The following HP1BP3 variants were observed in gnomAD, a reference collection of about 807,000 sequenced individuals.
HP1BP3 encodes the protein heterochromatin protein 1-binding protein 3.
In HP1BP3, 12 loss-of-function variants were observed where a neutral mutation model predicts 62.5. That is an observed-to-expected ratio of 0.19 (90% CI 0.12 to 0.31). HP1BP3 has a LOEUF of 0.31. Ranked by LOEUF, HP1BP3 falls within the 10% of genes least tolerant of loss-of-function variation. The pLI, the probability that HP1BP3 is intolerant of heterozygous loss-of-function variation, is 1.00. For missense variants in HP1BP3, 502 were observed against 651.8 expected, an observed-to-expected ratio of 0.77 and a Z score of 2.50; for synonymous variants, 260 against 237.8, an observed-to-expected ratio of 1.09 and a Z score of -0.86.
intron 10 of HP1BP3, among the ~76,000 whole-genome samples, chr1:20,747,915 C>T (rs1032577158): frequency 6.6e-6 from 1 of 152,178 alleles, no homozygotes; most frequent in Non-Finnish European, 1.5e-5. Context: ...CAAAGTCTCA[C>T]TATGTTGCCC....
chr1:20,759,417 G>A (rs921382169), intron 8 of HP1BP3, among the ~76,000 whole-genome samples: 3 of 152,138 alleles, frequency 2.0e-5, no homozygotes, highest in East Asian at 1.9e-4. Context: ...ACAAAAAAAA[G>A]AATGATTTAA....
At position 20,740,298 on chromosome 1, in the gene HP1BP3, A is replaced by G. The variant is rs1439756947; in HGVS notation, c.*4499T>C. Among the ~76,000 whole-genome samples, 3 of 152,242 alleles carry G rather than the reference A, an allele frequency of 2.0e-5. No individual in the cohort carries two copies. Among genetic ancestry groups the G allele is most frequent in the African/African-American group, 7.2e-5 (3 of 41,468 alleles). ...TTGCTAAGCAAAGATTTAATAGTGA[A>G]CAGTGTTAATTATACATTATATACA... On this transcript the variant is annotated 3_prime_UTR_variant, in exon 13 of 13. Coordinates refer to ENST00000438032, the MANE Select transcript of HP1BP3 (RefSeq NM_001372052.1).
In HP1BP3 at chr1:20,745,525, G is replaced by T. The variant is rs758861894; in HGVS notation, c.1367+18C>A. 4 of 1,613,202 alleles carry T rather than the reference G, an allele frequency of 2.5e-6. No homozygotes were observed. The South Asian group carries it at 3.3e-5, about 13-fold the overall frequency. On this transcript the variant is annotated intron_variant, in intron 12 of 12. Coordinates refer to ENST00000438032, the MANE Select transcript of HP1BP3 (RefSeq NM_001372052.1). ...GTATTTAGTGTCCTCCCCACAAGGG[G>T]TTTTCACATGTCCACACCTTCTCTT... is the stretch of plus-strand genomic sequence containing the variant.
intron 6 of HP1BP3, among the ~76,000 whole-genome samples, chr1:20,770,681 A>G (rs1026992085): frequency 3.9e-5 from 6 of 152,174 alleles, no homozygotes; most frequent in African/African-American, 1.4e-4. Context: ...CATGATTTCA[A>G]GCACAAGCAG....
intron 3 of HP1BP3, among the ~76,000 whole-genome samples, chr1:20,777,465 AT>A (rs1004259113): frequency 1.1e-4 from 17 of 149,464 alleles, no homozygotes; most frequent in African/African-American, 2.0e-4. Context: ...TTATTTATTT[AT>A]TTTTTTTTTG....
chr1:20,782,484 G>A (rs1049377458), intron 1 of HP1BP3, among the ~76,000 whole-genome samples: 1 of 151,960 alleles, frequency 6.6e-6, no homozygotes, highest in Non-Finnish European at 1.5e-5. Context: ...TTGGGAAGCT[G>A]AGACTGGGAG....
At position 20,742,317 on chromosome 1, in the gene HP1BP3, G is replaced by A. The variant is rs539719818; in HGVS notation, c.*2480C>T. On this transcript the variant is annotated 3_prime_UTR_variant, in exon 13 of 13. Transcript: ENST00000438032. ...ATTACTACAATTACTTCTAGAATTT[G>A]ATGTCTAGGATTTATCTGTTATCTT... Among the ~76,000 whole-genome samples, 1 of 152,264 alleles carries A rather than the reference G, an allele frequency of 6.6e-6. No individual in the cohort carries two copies. The highest frequency in any genetic ancestry group is 1.9e-4 in the East Asian group (1 of 5,190).
chr1:20,757,280 ATAGTG>A, intron 8 of HP1BP3, 24 bp from the exon 9 acceptor site: 1 of 1,411,000 alleles, frequency 7.1e-7, no homozygotes, highest in Non-Finnish European at 9.9e-7. Context: ...CAAAAAAAAA[ATAGTG>A]ATAAATACAT....
intron 9 of HP1BP3, among the ~76,000 whole-genome samples, chr1:20,753,250 T>A (rs1436776138): frequency 6.6e-6 from 1 of 152,214 alleles, no homozygotes; most frequent in Non-Finnish European, 1.5e-5. Context: ...CCTGTAATAC[T>A]TTTTTACTTA....
At chr1:20,770,308 G>A (rs2056998101) in intron 6 of HP1BP3, among the ~76,000 whole-genome samples, 2 of 152,048 alleles carry the variant, frequency 1.3e-5, no homozygotes, top group African/African-American at 2.4e-5. Context: ...TAAGACAAGG[G>A]CAATTATTAT....
chr1:20,779,038 CCTT>C (rs1570672650), intron 3 of HP1BP3, among the ~76,000 whole-genome samples: 1 of 152,244 alleles, frequency 6.6e-6, no homozygotes, highest in African/African-American at 2.4e-5. Context: ...GATCTGCCCT[CCTT>C]GGCCTCCCAA....
intron 8 of HP1BP3, among the ~76,000 whole-genome samples, chr1:20,757,879 C>T (rs1557648261): frequency 6.6e-6 from 1 of 152,168 alleles, no homozygotes; most frequent in East Asian, 1.9e-4. Context: ...GGCGCGGTGG[C>T]TCACGCTTGT....
At chr1:20,747,679 A>G (rs753394923) in intron 10 of HP1BP3, 24 bp from the exon 11 acceptor site, 3 of 1,422,986 alleles carry the variant, frequency 2.1e-6, no homozygotes, top group East Asian at 4.6e-5. Context: ...TTCAGAAATG[A>G]AAGTTATCTA....
chr1:20,749,725 T>C lies in HP1BP3; in HGVS notation c.1139A>G (p.Gln380Arg). The change falls in exon 10 of 13, where the codon CAA becomes CGA. Residue 380 changes from glutamine to arginine, a missense_variant and splice_region_variant. Around this residue, in one of 5 missense-constraint regions of HP1BP3, gnomAD observed 194 missense variants for 207.0 expected, o/e 0.94. Coordinates refer to ENST00000438032, the MANE Select transcript of HP1BP3 (RefSeq NM_001372052.1). Reference sequence around the variant, plus strand: ...AAATATACACAACCGAGTCTTACTTTGATAGTTAGAATTGGTTCCTGGGTG... The same window carrying C: ...AAATATACACAACCGAGTCTTACTTCGATAGTTAGAATTGGTTCCTGGGTG... Reference protein sequence around the residue: ...ENHPGTNSNYQMHLLKKTLQK... With the variant: ...ENHPGTNSNYRMHLLKKTLQK... The C allele has an allele frequency of 6.2e-7, 1 of 1,608,022 alleles. No individual in the cohort carries two copies. Among genetic ancestry groups the C allele is most frequent in the Non-Finnish European group, 8.5e-7 (1 of 1,177,974 alleles).
intron 8 of HP1BP3, among the ~76,000 whole-genome samples, chr1:20,758,703 T>C (rs1165325899): frequency 2.0e-5 from 3 of 148,930 alleles, no homozygotes. Flanking sequence ...TGGAGTGCAG[T>C]GGTATGACCA....
intron 8 of HP1BP3, 26 bp from the exon 9 acceptor site, chr1:20,757,282 A>T: frequency 2.1e-6 from 3 of 1,409,496 alleles, no homozygotes; most frequent in Non-Finnish European, 3.0e-6. Flanking sequence ...AAAAAAAAAT[A>T]GTGATAAATA....
chr1:20,759,614 C>CACAGTT (rs1429295040), intron 8 of HP1BP3, among the ~76,000 whole-genome samples: 2 of 152,300 alleles, frequency 1.3e-5, no homozygotes, highest in East Asian at 3.9e-4. Flanking sequence ...GACTTCGAGT[C>CACAGTT]TGCACAACTG....
Position 20,779,941 on chromosome 1 carries a change from T to C in HP1BP3, c.97-30A>G, listed in dbSNP as rs776395390. On this transcript the variant is annotated intron_variant, in intron 2 of 12. Coordinates refer to ENST00000438032, the MANE Select transcript of HP1BP3 (RefSeq NM_001372052.1). Reference sequence around the variant, plus strand: ...GAAAAGAGATGGCCATAATCAAACATGCATTAAAAAATTCTCTTTTCTCTC... The same window carrying C: ...GAAAAGAGATGGCCATAATCAAACACGCATTAAAAAATTCTCTTTTCTCTC... 5.8e-6 allele frequency: 9 copies of C among 1,555,144 alleles called. No homozygotes were observed. The African/African-American group carries it at 8.2e-5, about 14-fold the overall frequency.
Position 20,776,707 on chromosome 1 carries a change from T to C in HP1BP3, c.240A>G (p.Glu80=). Residue 80 remains glutamate (E), a synonymous_variant, in exon 4 of 13, where the codon GAA becomes GAG. Transcript: ENST00000438032. ...TAGCAGGTGGAGTTTCATTCTCTTG[T>C]TCTTCTACAGTGGAGACAGATTCCT... ...SSEESVSTVE[E]QENETPPATS... The C allele has an allele frequency of 1.9e-6, 3 of 1,613,976 alleles. No homozygotes were observed. The highest frequency in any genetic ancestry group is 2.5e-6 in the Non-Finnish European group (3 of 1,179,920).
Sources: gnomAD v4.1 joint callset for allele counts (sites outside exome capture counted in the v4.1 genomes callset) on GRCh38, gnomAD v4.1.1 for gene constraint, gnomAD v4.1.1 regional missense constraint, MANE v1.5 for transcripts, NCBI Gene and HGNC (gene_info 2026-07-23, HGNC 2026-07-21) for gene names.